Variants in SORCS2 observed in about 807,000 individuals in gnomAD.
SORCS2 encodes the protein VPS10 domain-containing receptor SorCS2.
A neutral mutation model predicts 141.6 loss-of-function variants in SORCS2; 100 were observed. The ratio of observed to expected loss-of-function variants is 0.71; its 90% confidence interval spans 0.60 to 0.83. The LOEUF (loss-of-function observed/expected upper bound fraction) is 0.83, where lower values mean the gene tolerates loss of function less well. Among genes scored for constraint, SORCS2 ranks in the 40% least tolerant of loss-of-function variants. The probability of loss-of-function intolerance (pLI) is 0.00; values close to 1 mark genes in which losing one functional copy is unlikely to be tolerated. For synonymous variants in SORCS2, 789 were observed against 676.9 expected (o/e 1.17, Z -2.57); for missense variants, 1,646 against 1,560.2 (o/e 1.05, Z -0.93).
intron 1 of SORCS2, among the ~76,000 whole-genome samples, chr4:7,373,920 AT>A (rs1208945297): frequency 6.6e-6 from 1 of 152,122 alleles, no homozygotes; most frequent in African/African-American, 2.4e-5. Context: ...AATTCCGTTT[AT>A]CTATAGATTA....
chr4:7,464,119 A>C (rs1729471338), intron 2 of SORCS2, among the ~76,000 whole-genome samples: 1 of 152,044 alleles, frequency 6.6e-6, no homozygotes, highest in Non-Finnish European at 1.5e-5. Context: ...GACTGAACAC[A>C]CCTGGTCAGC....
At chr4:7,489,446 T>G in intron 2 of SORCS2, among the ~76,000 whole-genome samples, 1 of 152,008 alleles carries the variant, frequency 6.6e-6, no homozygotes, top group Admixed American at 6.6e-5. Flanking sequence ...TAGGAAGCAT[T>G]TACAATTTCA....
chr4:7,198,693 G>C (rs74570644), intron 1 of SORCS2, among the ~76,000 whole-genome samples: 1,722 of 152,290 alleles, frequency 0.011, 29 homozygotes, highest in African/African-American at 0.039. Flanking sequence ...CCAGGGGTGA[G>C]TGCCTGTCAT....
At chr4:7,594,000 T>C (rs554471824) in intron 3 of SORCS2, among the ~76,000 whole-genome samples, 1 of 152,298 alleles carries the variant, frequency 6.6e-6, no homozygotes, top group African/African-American at 2.4e-5. Context: ...CATTTTTAGT[T>C]AGTTCATTTA....
intron 1 of SORCS2, among the ~76,000 whole-genome samples, chr4:7,384,650 C>T (rs910600188): frequency 1.3e-5 from 2 of 152,206 alleles, no homozygotes; most frequent in African/African-American, 2.4e-5. Context: ...CACCCAAGAC[C>T]CTTCTTGGGA....
intron 1 of SORCS2, among the ~76,000 whole-genome samples, chr4:7,260,910 G>A (rs1473669938): frequency 1.3e-5 from 2 of 152,212 alleles, no homozygotes; most frequent in African/African-American, 2.4e-5. Flanking sequence ...TGGGGACACC[G>A]AGGCTCAGAG....
intron 1 of SORCS2, among the ~76,000 whole-genome samples, chr4:7,239,211 A>AG (rs1282333333): frequency 6.6e-6 from 1 of 152,176 alleles, no homozygotes; most frequent in Non-Finnish European, 1.5e-5. Context: ...TATCAGTTGA[A>AG]GGGGGACCTC....
At chr4:7,570,096 T>C (rs537653761) in intron 3 of SORCS2, among the ~76,000 whole-genome samples, 12 of 152,188 alleles carry the variant, frequency 7.9e-5, no homozygotes, top group South Asian at 4.1e-4. Flanking sequence ...TAAATGCTAA[T>C]TGCTTGGTCT....
At chr4:7,731,692 G>A (rs191067954) in intron 23 of SORCS2, among the ~76,000 whole-genome samples, 75 of 152,284 alleles carry the variant, frequency 4.9e-4, no homozygotes, top group African/African-American at 1.3e-3. Flanking sequence ...CAATAAAGCT[G>A]TCAAGAAGAC....
chr4:7,252,527 G>C (rs545240046), intron 1 of SORCS2, among the ~76,000 whole-genome samples: 23 of 152,350 alleles, frequency 1.5e-4, no homozygotes, highest in African/African-American at 5.0e-4. Flanking sequence ...TAACACAAAA[G>C]AAATAATAGA....
intron 2 of SORCS2, among the ~76,000 whole-genome samples, chr4:7,520,498 G>C (rs1194737241): frequency 6.6e-6 from 1 of 152,318 alleles, no homozygotes; most frequent in East Asian, 1.9e-4. Flanking sequence ...GCCCAGCCCA[G>C]CTTCATTCTG....
chr4:7,485,493 A>T (rs115018287), intron 2 of SORCS2, among the ~76,000 whole-genome samples: 1 of 152,196 alleles, frequency 6.6e-6, no homozygotes, highest in African/African-American at 2.4e-5. Context: ...GCCGGGCCTC[A>T]TGTCTGCCTT....
intron 1 of SORCS2, among the ~76,000 whole-genome samples, chr4:7,208,672 C>T (rs1344219375): frequency 6.6e-6 from 1 of 152,182 alleles, no homozygotes; most frequent in Non-Finnish European, 1.5e-5. Context: ...GGTTGTGTCT[C>T]CCTCAGCCCT....
chr4:7,218,593 A>T (rs1413956625), intron 1 of SORCS2, among the ~76,000 whole-genome samples: 1 of 152,206 alleles, frequency 6.6e-6, no homozygotes, highest in Admixed American at 6.5e-5. Context: ...TGCTCAGTGT[A>T]TGGGATGGAA....
At chr4:7,323,377 T>C (rs1577398278) in intron 1 of SORCS2, among the ~76,000 whole-genome samples, 1 of 151,806 alleles carries the variant, frequency 6.6e-6, no homozygotes. Flanking sequence ...TGGGATCGAG[T>C]GAAATACAGC....
intron 1 of SORCS2, among the ~76,000 whole-genome samples, chr4:7,325,519 A>G (rs1403052543): frequency 6.6e-6 from 1 of 152,168 alleles, no homozygotes; most frequent in African/African-American, 2.4e-5. Flanking sequence ...GCTGCAGGGC[A>G]CTCGGGGCTT....
At chr4:7,546,733 A>G (rs906488689) in intron 3 of SORCS2, among the ~76,000 whole-genome samples, 3 of 152,006 alleles carry the variant, frequency 2.0e-5, no homozygotes, top group African/African-American at 4.8e-5. Context: ...ATTTTCCAAC[A>G]CTGTGGTCAC....
In SORCS2 at chr4:7,699,147, G is replaced by T. The variant is rs547702332; in HGVS notation, c.1668+1873G>T. On this transcript the variant is annotated intron_variant, in intron 12 of 26. Coordinates refer to ENST00000507866, the MANE Select transcript of SORCS2 (RefSeq NM_020777.3). ...ACAGAGCCCCTGGCTGAAACTCAGT[G>T]TGTGGGGGAGGCAGGAAAAGGGTGA... Among the ~76,000 whole-genome samples, 219 of 152,338 alleles carry T rather than the reference G, an allele frequency of 1.4e-3. 1 individual carries two copies. The highest frequency in any genetic ancestry group is 6.8e-3 in the Middle Eastern group (2 of 294).
chr4:7,604,308 G>C (rs144996167), intron 3 of SORCS2, among the ~76,000 whole-genome samples: 62 of 152,316 alleles, frequency 4.1e-4, no homozygotes, highest in African/African-American at 1.4e-3. Context: ...AGATCACTAT[G>C]GTGATGTTTG....
Sources: gnomAD v4.1 joint callset for allele counts (sites outside exome capture counted in the v4.1 genomes callset) on GRCh38, gnomAD v4.1.1 for gene constraint, MANE v1.5 for transcripts, NCBI Gene and HGNC (gene_info 2026-07-23, HGNC 2026-07-21) for gene names.